The following KAZN variants were observed in gnomAD, a reference collection of about 807,000 sequenced individuals.
KAZN encodes the protein kazrin, periplakin interacting protein.
A neutral mutation model predicts 87.4 loss-of-function variants in KAZN; 40 were observed. The observed-to-expected ratio is 0.46, with a 90% confidence interval of 0.36 to 0.60. The LOEUF (loss-of-function observed/expected upper bound fraction) is 0.60, where lower values mean the gene tolerates loss of function less well. KAZN is among the 20% of genes least tolerant of loss of function. The probability of loss-of-function intolerance (pLI) is 0.00; values close to 1 mark genes in which losing one functional copy is unlikely to be tolerated. For synonymous variants in KAZN, 466 were observed against 458.3 expected (o/e 1.02, Z -0.22); for missense variants, 898 against 1,073.9 (o/e 0.84, Z 2.29).
chr1:14,650,029 C>T (rs1243998890), intron 1 of KAZN, among the ~76,000 whole-genome samples: 1 of 129,506 alleles, frequency 7.7e-6, no homozygotes, highest in Non-Finnish European at 1.6e-5. Flanking sequence ...CCCCTCCACC[C>T]ATCTTTTTTT....
chr1:13,954,584 A>G (rs549742567), intron 1 of KAZN, among the ~76,000 whole-genome samples: 1 of 151,690 alleles, frequency 6.6e-6, no homozygotes, highest in South Asian at 2.1e-4. Flanking sequence ...CATGCATGTC[A>G]ACTCATAGAA....
intron 2 of KAZN, among the ~76,000 whole-genome samples, chr1:14,482,366 C>T (rs1669130247): frequency 6.6e-6 from 1 of 152,144 alleles, no homozygotes; most frequent in Non-Finnish European, 1.5e-5. Context: ...ATCAGAAAGT[C>T]CCATGTGAAG....
intron 1 of KAZN, among the ~76,000 whole-genome samples, chr1:14,753,392 G>A (rs910200689): frequency 6.6e-6 from 1 of 151,982 alleles, no homozygotes. Context: ...TGGGGAGGAT[G>A]CTTCTTTCCA....
chr1:14,709,669 C>T (rs1184640686), intron 1 of KAZN, among the ~76,000 whole-genome samples: 1 of 152,156 alleles, frequency 6.6e-6, no homozygotes, highest in East Asian at 1.9e-4. Context: ...CTGTGAGAGG[C>T]CACTGCTCCA....
rs1557723850 is a variant in KAZN, at chr1:15,021,159, T to G, written c.419-13590T>G. On this transcript the variant is annotated intron_variant, in intron 2 of 14. Transcript: ENST00000376030. This position sits in a 1 kb window ranked among gnomAD's most constrained non-coding sequence, Gnocchi z 4.2. ...CACAGCATGCGGGTTTGCACCCCAG[T>G]GTCCTGCCTCCCTGTCCACCGGCCA... Among the ~76,000 whole-genome samples, 1 of 152,114 alleles carries G rather than the reference T, an allele frequency of 6.6e-6. No homozygotes were observed. Among genetic ancestry groups the G allele is most frequent in the African/African-American group, 2.4e-5 (1 of 41,436 alleles).
chr1:14,390,870 T>G, intron 2 of KAZN: 1 of 152,508 alleles, frequency 6.6e-6, no homozygotes, highest in Non-Finnish European at 1.5e-5. Context: ...TCCCAAAGGT[T>G]CCACCTCCTG....
At chr1:14,719,577 A>G (rs911116246) in intron 1 of KAZN, among the ~76,000 whole-genome samples, 2 of 152,210 alleles carry the variant, frequency 1.3e-5, no homozygotes, top group African/African-American at 2.4e-5. Context: ...GGTGGCTCAC[A>G]CTTGTAATCC....
intron 2 of KAZN, among the ~76,000 whole-genome samples, chr1:14,994,791 G>T (rs1440876785): frequency 6.6e-6 from 1 of 152,164 alleles, no homozygotes; most frequent in Non-Finnish European, 1.5e-5. Context: ...TGTATTCATC[G>T]GCAAAGTGGG....
chr1:14,732,976 G>A (rs1231946742), intron 1 of KAZN, among the ~76,000 whole-genome samples: 24 of 152,056 alleles, frequency 1.6e-4, no homozygotes, highest in Admixed American at 1.6e-3. Flanking sequence ...CTTCCCCTAT[G>A]TTCACGGAGC....
At chr1:14,833,510 T>A (rs888214792) in intron 1 of KAZN, among the ~76,000 whole-genome samples, 3 of 152,064 alleles carry the variant, frequency 2.0e-5, no homozygotes, top group African/African-American at 7.2e-5. Context: ...GGTGTCTCAG[T>A]GTGGAGCACA....
chr1:14,868,136 G>A (rs953290772), intron 1 of KAZN, among the ~76,000 whole-genome samples: 1 of 151,764 alleles, frequency 6.6e-6, no homozygotes, highest in Non-Finnish European at 1.5e-5. Context: ...CACATAGCAC[G>A]GCATCACATA....
chr1:14,296,545 A>C (rs1299415284), intron 2 of KAZN, among the ~76,000 whole-genome samples: 2 of 151,026 alleles, frequency 1.3e-5, no homozygotes, highest in Non-Finnish European at 2.9e-5. Flanking sequence ...ATTGTTCATG[A>C]CCATGGGCTG....
Position 14,320,106 on chromosome 1 carries a change from T to C in KAZN, c.249+139514T>C, listed in dbSNP as rs112396261. 8.9e-3 allele frequency among the ~76,000 whole-genome samples: 1,361 copies of C among 152,304 alleles called. 27 individuals are homozygous for C. The highest frequency in any genetic ancestry group is 0.031 in the African/African-American group (1,302 of 41,566). ...TGTAAAGTTGAGAAAATTGAGGCTA[T>C]AGGATAGTAAGGACAAAGTCAGGAT... On this transcript the variant is annotated intron_variant, in intron 2 of 16. Coordinates refer to the KAZN transcript ENST00000636203.
chr1:14,484,494 T>C (rs1048593619), intron 2 of KAZN, among the ~76,000 whole-genome samples: 3 of 152,388 alleles, frequency 2.0e-5, no homozygotes, highest in African/African-American at 7.2e-5. Flanking sequence ...GACAATATTC[T>C]GTGCTCATAC....
intron 1 of KAZN, among the ~76,000 whole-genome samples, chr1:14,733,857 T>A (rs10803309): frequency 0.49 from 75,192 of 152,040 alleles, 19,127 homozygotes; most frequent in East Asian, 0.72. Context: ...GGCCCCCCGA[T>A]CAGCCTCTCC....
intron 1 of KAZN, among the ~76,000 whole-genome samples, chr1:14,088,998 T>TA (rs529935914): frequency 0.026 from 3,815 of 146,168 alleles, 148 homozygotes; most frequent in African/African-American, 0.082. Flanking sequence ...TACCATTTTC[T>TA]AAAAAAAAAA....
intron 1 of KAZN, among the ~76,000 whole-genome samples, chr1:14,153,003 G>A (rs955142536): frequency 1.3e-5 from 2 of 152,120 alleles, no homozygotes; most frequent in African/African-American, 2.4e-5. Context: ...ATTGAGAAAT[G>A]TCTATTTAGA....
At chr1:14,991,015 G>C (rs1667298779) in intron 2 of KAZN, among the ~76,000 whole-genome samples, 1 of 151,686 alleles carries the variant, frequency 6.6e-6, no homozygotes, top group Non-Finnish European at 1.5e-5. Flanking sequence ...ATTGCCAGAA[G>C]CTACGGGGAG....
At chr1:14,631,226 T>C (rs1374052452) in intron 1 of KAZN, among the ~76,000 whole-genome samples, 1 of 152,130 alleles carries the variant, frequency 6.6e-6, no homozygotes, top group Non-Finnish European at 1.5e-5. Context: ...ATCTAAGAGA[T>C]TAAAAGGGCG....
Sources: gnomAD v4.1 joint callset for allele counts (sites outside exome capture counted in the v4.1 genomes callset) on GRCh38, gnomAD v4.1.1 for gene constraint, Gnocchi (gnomAD v3.1) non-coding constraint, MANE v1.5 for transcripts, NCBI Gene and HGNC (gene_info 2026-07-23, HGNC 2026-07-21) for gene names.